The following DDX41 variants were observed in gnomAD, a reference collection of about 807,000 sequenced individuals.
The protein encoded by DDX41 is probable ATP-dependent RNA helicase DDX41.
DDX41 carries 50 observed loss-of-function variants against 78.8 expected under a neutral mutation model. The ratio of observed to expected loss-of-function variants is 0.63; its 90% CI spans 0.51 to 0.80. The LOEUF (loss-of-function observed/expected upper bound fraction) is 0.80, where lower values mean the gene tolerates loss of function less well. Ranked by LOEUF, DDX41 falls within the 30% of genes least tolerant of loss-of-function variation. The pLI, the probability that DDX41 is intolerant of heterozygous loss-of-function variation, is 0.00. For synonymous variants in DDX41, 381 were observed against 321.5 expected, an observed-to-expected ratio of 1.19 and a Z score of -1.98; for missense variants, 633 against 849.2, an observed-to-expected ratio of 0.75 and a Z score of 3.16.
intron 13 of DDX41, 53 bp from the exon 14 acceptor site, chr5:177,512,698 C>A: frequency 6.2e-7 from 1 of 1,612,966 alleles, no homozygotes; most frequent in Non-Finnish European, 8.5e-7. Flanking sequence ...AGGGGAGTGG[C>A]AGGCCAACCA....
chr5:177,514,649 T>G lies in DDX41; in HGVS notation c.935+52A>C. On this transcript the variant is annotated intron_variant, in intron 9 of 16. Transcript: ENST00000330503. This position sits in a 1 kb window ranked among gnomAD's most constrained non-coding sequence, Gnocchi z 4.2. Reference sequence around the variant, plus strand: ...CTAAGGTAAAGGGTCCTTTAGCTTTTCCACAGACTCGCAGGTGGCAGAGGT... The same window carrying G: ...CTAAGGTAAAGGGTCCTTTAGCTTTGCCACAGACTCGCAGGTGGCAGAGGT... 5 of 1,575,104 alleles carry G rather than the reference T, an allele frequency of 3.2e-6. No homozygotes were observed. The South Asian group carries it at 5.7e-5, about 18-fold the overall frequency.
Position 177,513,578 on chromosome 5 carries a change from A to G in DDX41, c.1099-94T>C, listed in dbSNP as rs1761082756. ...CTGAGCAACTGAGACACAGCCCACA[A>G]AGTATGAGCAGTGGGTTGGGGTGGC... On this transcript the variant is annotated intron_variant, in intron 10 of 16. Transcript: ENST00000330503. This position sits in a 1 kb window ranked among gnomAD's most constrained non-coding sequence, Gnocchi z 4.6. 1.9e-6 allele frequency: 3 copies of G among 1,604,854 alleles called. No individual in the cohort carries two copies. The highest frequency in any genetic ancestry group is 1.1e-5 in the South Asian group (1 of 90,662).
chr5:177,516,951 G>A lies in DDX41; in HGVS notation c.-6C>T, dbSNP rs761458995. On this transcript the variant is annotated 5_prime_UTR_variant, in exon 1 of 17. Coordinates refer to ENST00000330503, the MANE Select transcript of DDX41 (RefSeq NM_016222.4). ...TCGGGTTCCGACTCCTCCATTCTTT[G>A]CTGCACGCATGCGCGCCACGGCGAA... The A allele has an allele frequency of 2.5e-6, 4 of 1,610,558 alleles. No individual in the cohort carries two copies. The highest frequency in any genetic ancestry group is 1.7e-5 in the Admixed American group (1 of 59,974).
At chr5:177,516,480 G>A (rs757107537) in intron 2 of DDX41, 33 bp from the exon 3 acceptor site, 10 of 1,610,282 alleles carry the variant, frequency 6.2e-6, no homozygotes, top group Non-Finnish European at 8.5e-6. Flanking sequence ...CAGATAGGAT[G>A]GGCATGGAGT....
intron 2 of DDX41, 43 bp downstream of exon 2, chr5:177,516,682 C>A: frequency 6.5e-7 from 1 of 1,546,850 alleles, no homozygotes. Context: ...CCCTGCGACC[C>A]CGCGGTCACG....
chr5:177,516,719 C>T lies in DDX41; in HGVS notation c.138+6G>A. On this transcript the variant is annotated splice_donor_region_variant and intron_variant, in intron 2 of 16. Coordinates refer to ENST00000330503, the MANE Select transcript of DDX41 (RefSeq NM_016222.4). ...CCCCATCCCTCCCCGGACGCGTGCC[C>T]CTCACCAGTAGCTGCCGGCGCTGCC... 6.3e-7 allele frequency: 1 copy of T among 1,591,022 alleles called. No homozygotes were observed.
chr5:177,513,899 C>G lies in DDX41; in HGVS notation c.936-52G>C. On this transcript the variant is annotated intron_variant, in intron 9 of 16. Coordinates refer to ENST00000330503, the MANE Select transcript of DDX41 (RefSeq NM_016222.4). The surrounding 1 kb of genome is among the most constrained non-coding windows in gnomAD (Gnocchi z 4.6). ...TTGGGGCCACTGGCCTATCACCTATCTAGAGGCAAGCAGGCACCCTGCATC... is the reference window on the plus strand; with the variant it reads ...TTGGGGCCACTGGCCTATCACCTATGTAGAGGCAAGCAGGCACCCTGCATC... 6.3e-7 allele frequency: 1 copy of G among 1,589,340 alleles called. No homozygotes were observed. Among genetic ancestry groups the G allele is most frequent in the Non-Finnish European group, 8.6e-7 (1 of 1,160,746 alleles).
In DDX41 at chr5:177,514,835, C is replaced by A. The variant is rs150888965; in HGVS notation, c.801G>T (p.Arg267=). ...GPYGLIICPS[R]ELARQTHGIL... The stretch of plus-strand genomic sequence containing the variant: ...TGCCATGGGTCTGCCGGGCCAGCTC[C>A]CGCTGCAGGCAGAGGGACAAAGGCT... Residue 267 remains arginine (R), a splice_region_variant and synonymous_variant, in exon 9 of 17, where the codon CGG becomes CGT. Transcript: ENST00000330503. This position sits in a 1 kb window ranked among gnomAD's most constrained non-coding sequence, Gnocchi z 4.2. The A allele has an allele frequency of 2.4e-5, 38 of 1,611,094 alleles. No homozygotes were observed. The highest frequency in any genetic ancestry group is 3.1e-5 in the Non-Finnish European group (37 of 1,178,560).
In DDX41 at chr5:177,514,994, G is replaced by C; in HGVS notation, c.720C>G (p.Ile240Met). 6.2e-7 allele frequency: 1 copy of C among 1,613,886 alleles called. No individual in the cohort carries two copies. The highest frequency in any genetic ancestry group is 8.5e-7 in the Non-Finnish European group (1 of 1,179,922). The change falls in exon 8 of 17, where the codon ATC (isoleucine) becomes ATG (methionine). Residue 240 changes from isoleucine (I) to methionine (M), a missense_variant. Physicochemically the swap from Ile to Met is conservative, Grantham distance 10. Transcript: ENST00000330503. This position sits in a 1 kb window ranked among gnomAD's most constrained non-coding sequence, Gnocchi z 4.2. Reference protein sequence around the residue: ...GKTLVFTLPVIMFCLEQEKRL... With the variant: ...GKTLVFTLPVMMFCLEQEKRL... ...TCTTCTCTTGTTCCAGGCAGAACAT[G>C]ATGACGGGCAACGTGAACACCAGTG... is the stretch of plus-strand genomic sequence containing the variant.
rs1411544367 is a variant in DDX41, at chr5:177,513,835, CAT to C, written c.946_947del (p.Met316AspfsTer31). On this transcript the variant is annotated frameshift_variant, in exon 10 of 17. Transcript: ENST00000330503. LOFTEE classifies it high-confidence loss of function. This position sits in a 1 kb window ranked among gnomAD's most constrained non-coding sequence, Gnocchi z 4.6. ...QMETIRHGVH[M>X]MVATPGRLMD... ...TGAGGCGCCCCGGGGTGGCCACCATCATGTGTACACCGCTGGGGACCAAGGAG... is the reference window on the plus strand; with the variant it reads ...TGAGGCGCCCCGGGGTGGCCACCATCGTGTACACCGCTGGGGACCAAGGAG... The C allele has an allele frequency of 5.0e-5, 80 of 1,613,508 alleles. No homozygotes were observed. Among genetic ancestry groups the C allele is most frequent in the Non-Finnish European group, 6.6e-5 (78 of 1,180,006 alleles).
In DDX41 at chr5:177,515,704, C is replaced by T; in HGVS notation, c.552G>A (p.Lys184=). Reference sequence around the variant, plus strand: ...GACTACCTGCAGGAAACTTCATTTCCTTGAAGCTCTTGATGGGTGGTGGGA... The same window carrying T: ...GACTACCTGCAGGAAACTTCATTTCTTTGAAGCTCTTGATGGGTGGTGGGA... ...DGIPPPIKSF[K]EMKFPAAILR... is the part of the protein sequence containing the mutation. The change falls in exon 6 of 17, where the codon AAG becomes AAA. Residue 184 remains lysine, a synonymous_variant. Transcript: ENST00000330503. 1.9e-5 allele frequency: 31 copies of T among 1,614,088 alleles called. No homozygotes were observed. The highest frequency in any genetic ancestry group is 2.5e-5 in the Non-Finnish European group (29 of 1,180,014).
intron 16 of DDX41, 62 bp downstream of exon 16, chr5:177,512,034 C>G (rs1760976739): frequency 1.2e-6 from 2 of 1,607,590 alleles, no homozygotes; most frequent in South Asian, 2.2e-5. Context: ...ACGTTTCTGA[C>G]TTCCAGCACC....
intron 2 of DDX41, 130 bp downstream of exon 2, chr5:177,516,594 TG>T (rs1761245439): frequency 7.2e-7 from 1 of 1,380,522 alleles, no homozygotes; most frequent in Non-Finnish European, 1.0e-6. Context: ...CTCGTTTGTC[TG>T]GGGGCCGCGC....
chr5:177,516,865 T>TGCTCCCCTCTTCACGCCC, intron 1 of DDX41, 30 bp from the exon 2 acceptor site: 3 of 1,613,228 alleles, frequency 1.9e-6, no homozygotes, highest in Non-Finnish European at 1.7e-6. Flanking sequence ...AGGCACGGCC[T>TGCTCCCCTCTTCACGCCC]GCTCCCCTCT....
In DDX41 at chr5:177,512,885, A is replaced by G; in HGVS notation, c.1303-9T>C. Reference sequence around the variant, plus strand: ...TCTGCAAAGATGAGTACCTGTCCGGAAAGACCAACTCCAGTCAGGGGCTAA... The same window carrying G: ...TCTGCAAAGATGAGTACCTGTCCGGGAAGACCAACTCCAGTCAGGGGCTAA... On this transcript the variant is annotated splice_polypyrimidine_tract_variant and intron_variant, in intron 12 of 16. Coordinates refer to ENST00000330503, the MANE Select transcript of DDX41 (RefSeq NM_016222.4). 2 of 1,613,602 alleles carry G rather than the reference A, an allele frequency of 1.2e-6. No individual in the cohort carries two copies. The highest frequency in any genetic ancestry group is 1.7e-6 in the Non-Finnish European group (2 of 1,179,868).
In DDX41 at chr5:177,516,331, G is replaced by C. The variant is rs1427966502; in HGVS notation, c.255C>G (p.Val85=). The change falls in exon 3 of 17, where the codon GTC becomes GTG. Residue 85 remains valine, a synonymous_variant. Transcript: ENST00000330503. ...DDIPLGPQSN[V]SLLDQHQHLK... ...GGTGCTGGTGCTGATCCAGGAGGCT[G>C]ACGTTGGACTGAGGGCCTAGCGGGA... The C allele has an allele frequency of 1.9e-6, 3 of 1,614,062 alleles. No individual in the cohort carries two copies. The African/African-American group carries it at 4.0e-5, about 22-fold the overall frequency.
Position 177,515,753 on chromosome 5 carries a change from T to A in DDX41, c.503A>T (p.His168Leu). The A allele has an allele frequency of 1.2e-6, 2 of 1,614,150 alleles. No individual in the cohort carries two copies. Among genetic ancestry groups the A allele is most frequent in the Non-Finnish European group, 1.7e-6 (2 of 1,180,038 alleles). The change falls in exon 6 of 17, where the codon CAC (histidine) becomes CTC (leucine). Residue 168 changes from histidine (H) to leucine (L), a missense_variant. Around this residue, in one of 6 missense-constraint regions of DDX41, gnomAD observed 126 missense variants for 115.5 expected, o/e 1.09. Transcript: ENST00000330503. ...ERHERVRKKY[H>L]ILVEGDGIPP... is the part of the protein sequence containing the mutation. Reference sequence around the variant, plus strand: ...GATACCGTCTCCCTCCACCAGGATGTGGTATTTCTTCCGCACGCGCTCATG... The same window carrying A: ...GATACCGTCTCCCTCCACCAGGATGAGGTATTTCTTCCGCACGCGCTCATG...
chr5:177,516,464 G>T lies in DDX41; in HGVS notation c.139-17C>A, dbSNP rs374555260. ...CTTCTGGAGCTGAGGTTCCACCCGG[G>T]ATCCACAGATAGGATGGGCATGGAG... is the stretch of plus-strand genomic sequence containing the variant. On this transcript the variant is annotated splice_polypyrimidine_tract_variant and intron_variant, in intron 2 of 16. Coordinates refer to ENST00000330503, the MANE Select transcript of DDX41 (RefSeq NM_016222.4). 6.2e-7 allele frequency: 1 copy of T among 1,612,480 alleles called. No homozygotes were observed. The highest frequency in any genetic ancestry group is 8.5e-7 in the Non-Finnish European group (1 of 1,179,960).
intron 6 of DDX41, 160 bp downstream of exon 6, chr5:177,515,525 A>T (rs1761185347): frequency 3.1e-6 from 3 of 975,768 alleles, no homozygotes; most frequent in Non-Finnish European, 4.7e-6. Flanking sequence ...GAACACGTAC[A>T]GCTGAGGCAA....
Sources: allele counts gnomAD v4.1 joint callset, GRCh38; gene constraint gnomAD v4.1.1; regional missense constraint gnomAD v4.1.1; non-coding constraint Gnocchi (gnomAD v3.1); transcripts MANE v1.5; gene names NCBI Gene and HGNC (gene_info 2026-07-23, HGNC 2026-07-21).